The following XPC variants were observed in gnomAD, a reference collection of about 807,000 sequenced individuals.
XPC encodes DNA repair protein complementing XP-C cells.
In XPC, 76 loss-of-function variants were observed where a neutral mutation model predicts 95.8. The ratio of observed to expected loss-of-function variants is 0.79; its 90% CI spans 0.66 to 0.96. The LOEUF (loss-of-function observed/expected upper bound fraction) is 0.96, where lower values mean the gene tolerates loss of function less well. Ranked by LOEUF, XPC falls within the 40% of genes least tolerant of loss-of-function variation. XPC has a pLI of 0.00. For synonymous variants in XPC, 442 were observed against 442.1 expected, an observed-to-expected ratio of 1.00 and a Z score of 0.00; for missense variants, 1,146 against 1,179.8, an observed-to-expected ratio of 0.97 and a Z score of 0.42.
intron 9 of XPC, 126 bp downstream of exon 9, chr3:14,157,885 A>T: frequency 7.5e-7 from 1 of 1,328,672 alleles, no homozygotes. Context: ...TATGGCTGTG[A>T]CAATTAAATG....
In XPC at chr3:14,148,749, G is replaced by A; in HGVS notation, c.2251-18C>T. 1.2e-6 allele frequency: 2 copies of A among 1,613,882 alleles called. No individual in the cohort carries two copies. The highest frequency in any genetic ancestry group is 1.7e-6 in the Non-Finnish European group (2 of 1,179,790). ...CGGGGCACCTGTGTCGGGTGAGCAA[G>A]TCAGCATTTGGCCAGCAGGGGAACA... On this transcript the variant is annotated intron_variant, in intron 12 of 15. Coordinates refer to ENST00000285021, the MANE Select transcript of XPC (RefSeq NM_004628.5).
intron 3 of XPC, among the ~76,000 whole-genome samples, chr3:14,168,616 A>G (rs1416318727): frequency 6.6e-6 from 1 of 152,018 alleles, no homozygotes; most frequent in East Asian, 1.9e-4. Context: ...CAGTCTTTAG[A>G]TAAAGAACCT....
intron 7 of XPC, among the ~76,000 whole-genome samples, chr3:14,162,284 G>A (rs1235207951): frequency 6.6e-6 from 1 of 152,182 alleles, no homozygotes; most frequent in East Asian, 1.9e-4. Flanking sequence ...TGGAAAAACA[G>A]ATCATCAAAT....
At chr3:14,164,971 G>C (rs764732395) in intron 6 of XPC, 38 bp from the exon 7 acceptor site, 1 of 1,566,422 alleles carries the variant, frequency 6.4e-7, no homozygotes, top group African/African-American at 1.4e-5. Context: ...TCAGAGGTCA[G>C]GGCAAAGGGG....
At chr3:14,175,991 G>C (rs557067023) in intron 1 of XPC, among the ~76,000 whole-genome samples, 5 of 152,298 alleles carry the variant, frequency 3.3e-5, no homozygotes, top group African/African-American at 1.2e-4. Context: ...AATGACACCA[G>C]CTAGCCCAAC....
rs1357626735 is a variant in XPC, at chr3:14,174,548, AG to A, written c.104-1487del. 3.9e-5 allele frequency among the ~76,000 whole-genome samples: 6 copies of A among 152,358 alleles called. No individual in the cohort carries two copies. The East Asian group carries it at 5.8e-4, about 15-fold the overall frequency. On this transcript the variant is annotated intron_variant, in intron 1 of 15. Transcript: ENST00000285021. Reference sequence around the variant, plus strand: ...GAAAGGTAGAGGAGTTAAAAGGGAAAGGGGGATAAAGGAAACACAAAAACTC... The same window carrying A: ...GAAAGGTAGAGGAGTTAAAAGGGAAAGGGGATAAAGGAAACACAAAAACTC...
chr3:14,161,271 T>C (rs1696155929), intron 7 of XPC, among the ~76,000 whole-genome samples: 2 of 152,202 alleles, frequency 1.3e-5, no homozygotes, highest in Admixed American at 6.5e-5. Context: ...AAGTGGAATT[T>C]ACCTCAATCT....
At chr3:14,161,938 A>G (rs1696183250) in intron 7 of XPC, among the ~76,000 whole-genome samples, 1 of 152,174 alleles carries the variant, frequency 6.6e-6, no homozygotes, top group Non-Finnish European at 1.5e-5. Context: ...TAGAGCTAAT[A>G]AATGAATTCA....
At chr3:14,165,673 G>A (rs1231771629) in intron 5 of XPC, 88 bp from the exon 6 acceptor site, 4 of 1,486,772 alleles carry the variant, frequency 2.7e-6, no homozygotes, top group Non-Finnish European at 2.8e-6. Flanking sequence ...GACATGCTGT[G>A]GACAAGAAAT....
At chr3:14,151,101 G>C (rs1012474572) in intron 11 of XPC, among the ~76,000 whole-genome samples, 2 of 152,100 alleles carry the variant, frequency 1.3e-5, no homozygotes, top group Admixed American at 6.5e-5. Flanking sequence ...AACAAGGGGT[G>C]AATTTGAGAG....
intron 1 of XPC, among the ~76,000 whole-genome samples, chr3:14,177,896 G>C (rs1240543118): frequency 6.6e-6 from 1 of 152,146 alleles, no homozygotes; most frequent in Non-Finnish European, 1.5e-5. Context: ...TGACGGACTG[G>C]ATGTGTGGAC....
rs534511880 is a variant in XPC at position 14,161,835 on chromosome 3, C to T, written c.901-2005G>A. On this transcript the variant is annotated intron_variant, in intron 7 of 15. Coordinates refer to ENST00000285021, the MANE Select transcript of XPC (RefSeq NM_004628.5). ...CCAGAGCAATTAGGCAAGAAAAAGG[C>T]ATGCAAACTGGACAGGAAGAAGTAA... Among the ~76,000 whole-genome samples the T allele has an allele frequency of 2.0e-5, 3 of 151,486 alleles. No homozygotes were observed. In the East Asian group the frequency reaches 5.8e-4, roughly 29 times the overall value.
intron 7 of XPC, among the ~76,000 whole-genome samples, chr3:14,161,371 T>C (rs1696159669): frequency 6.6e-6 from 1 of 151,976 alleles, no homozygotes; most frequent in South Asian, 2.1e-4. Flanking sequence ...GCCAGACAAA[T>C]ACATCACAAG....
At position 14,146,600 on chromosome 3, in the gene XPC, G is replaced by A. The variant is rs535605869; in HGVS notation, c.2605-441C>T. 2.2e-4 allele frequency among the ~76,000 whole-genome samples: 33 copies of A among 152,330 alleles called. 1 individual carries two copies. In the East Asian group the frequency reaches 6.4e-3, roughly 29 times the overall value. ...AGCTGGGATGGCTAGGGAGGGTTTG[G>A]ATGGAGAAGGCGGCAAGGAGCTGGT... On this transcript the variant is annotated intron_variant, in intron 15 of 15. Transcript: ENST00000285021.
chr3:14,155,838 G>A (rs1426880249), intron 10 of XPC, among the ~76,000 whole-genome samples: 3 of 152,178 alleles, frequency 2.0e-5, no homozygotes, highest in Non-Finnish European at 2.9e-5. Context: ...GATTACAAGC[G>A]TGAGCCACCG....
chr3:14,155,689 G>A (rs908641901), intron 10 of XPC, among the ~76,000 whole-genome samples: 4 of 152,008 alleles, frequency 2.6e-5, no homozygotes, highest in Non-Finnish European at 5.9e-5. Context: ...TCTCCGAGTC[G>A]CTGGGACTAC....
At chr3:14,177,595 G>C (rs775801250) in intron 1 of XPC, among the ~76,000 whole-genome samples, 4 of 151,710 alleles carry the variant, frequency 2.6e-5, no homozygotes, top group Non-Finnish European at 5.9e-5. Context: ...AAACAGGAGA[G>C]GTAGCAAGAG....
intron 10 of XPC, among the ~76,000 whole-genome samples, chr3:14,155,916 A>G (rs536860909): frequency 6.6e-6 from 1 of 152,300 alleles, no homozygotes; most frequent in East Asian, 1.9e-4. Flanking sequence ...ACAACATTGT[A>G]CAACCATTAC....
intron 1 of XPC, 134 bp downstream of exon 1, chr3:14,178,332 C>T (rs2125053089): frequency 5.7e-6 from 6 of 1,048,020 alleles, no homozygotes; most frequent in Admixed American, 3.4e-5. Context: ...CGCAGCCTGC[C>T]GGGCTGCCCC....
Sources: gnomAD v4.1 joint callset for allele counts (sites outside exome capture counted in the v4.1 genomes callset) on GRCh38, gnomAD v4.1.1 for gene constraint, MANE v1.5 for transcripts, NCBI Gene and HGNC (gene_info 2026-07-23, HGNC 2026-07-21) for gene names.